The following GLI3 variants were observed in gnomAD, a reference collection of about 807,000 sequenced individuals.
GLI3 encodes the protein transcription activator GLI3.
In GLI3, 20 loss-of-function variants were observed where a neutral mutation model predicts 100.8. The observed-to-expected ratio is 0.20, with a 90% CI of 0.14 to 0.29. GLI3 has a LOEUF of 0.29. Among genes scored for constraint, GLI3 ranks in the 10% least tolerant of loss-of-function variants. The pLI, the probability that GLI3 is intolerant of heterozygous loss-of-function variation, is 1.00. For synonymous variants in GLI3, 938 were observed against 860.5 expected, an observed-to-expected ratio of 1.09 and a Z score of -1.58; for missense variants, 2,040 against 2,128.5, an observed-to-expected ratio of 0.96 and a Z score of 0.82.
At chr7:41,980,487 G>T (rs1787631537) in intron 10 of GLI3, among the ~76,000 whole-genome samples, 2 of 152,106 alleles carry the variant, frequency 1.3e-5, no homozygotes, top group South Asian at 2.1e-4. Context: ...GGGAGAAAAA[G>T]AAATGATCAT....
Position 41,977,710 on chromosome 7 carries a change from T to C in GLI3, c.1660A>G (p.Thr554Ala). 1.2e-6 allele frequency: 2 copies of C among 1,614,058 alleles called. No individual in the cohort carries two copies. The highest frequency in any genetic ancestry group is 1.7e-6 in the Non-Finnish European group (2 of 1,179,884). Reference protein sequence around the residue: ...KPHKCTFEGCTKAYSRLENLK... With the variant: ...KPHKCTFEGCAKAYSRLENLK... ...TTTTCTAGTCTCGAGTAGGCCTTTGTGCAACCTTCAAACTGAGGACAACAG... is the reference window on the plus strand; with the variant it reads ...TTTTCTAGTCTCGAGTAGGCCTTTGCGCAACCTTCAAACTGAGGACAACAG... Residue 554 changes from threonine to alanine, a missense_variant, in exon 12 of 15, where the codon ACA (threonine) becomes GCA (alanine). Coordinates refer to ENST00000395925, the MANE Select transcript of GLI3 (RefSeq NM_000168.6).
intron 2 of GLI3, among the ~76,000 whole-genome samples, chr7:42,177,598 T>C (rs532986683): frequency 6.6e-6 from 1 of 152,304 alleles, no homozygotes; most frequent in South Asian, 2.1e-4. Context: ...CTTAAAAACA[T>C]GTAGATATTC....
chr7:42,214,013 A>G (rs1788322634), intron 2 of GLI3, among the ~76,000 whole-genome samples: 1 of 152,254 alleles, frequency 6.6e-6, no homozygotes. Context: ...GATAGAACTA[A>G]AAGTTTATTA....
intron 1 of GLI3, among the ~76,000 whole-genome samples, chr7:42,234,797 C>G (rs1160271309): frequency 2.0e-5 from 3 of 152,204 alleles, no homozygotes; most frequent in South Asian, 2.1e-4. Context: ...AATTGCATAC[C>G]CTGAAAGGAT....
chr7:42,182,656 A>G lies in GLI3; in HGVS notation c.125-34188T>C, dbSNP rs1180728475. On this transcript the variant is annotated intron_variant, in intron 2 of 14. Coordinates refer to ENST00000395925, the MANE Select transcript of GLI3 (RefSeq NM_000168.6). Reference sequence around the variant, plus strand: ...TGTATATGTGTGTGTATATATATATATATATATATATATATATATATATAT... The same window carrying G: ...TGTATATGTGTGTGTATATATATATGTATATATATATATATATATATATAT... Among the ~76,000 whole-genome samples the G allele has an allele frequency of 1.3e-3, 72 of 53,676 alleles. 2 individuals are homozygous for G. Among genetic ancestry groups the G allele is most frequent in the Admixed American group, 3.1e-3 (17 of 5,502 alleles). 35.2% of individuals were successfully genotyped at this position (53,676 alleles called of 152,430 possible). A position where few individuals can be genotyped will look rare whatever the true frequency, so the allele number is the denominator to read the frequency against.
intron 4 of GLI3, among the ~76,000 whole-genome samples, chr7:42,074,940 G>A (rs1292051683): frequency 6.6e-6 from 1 of 152,078 alleles, no homozygotes. Context: ...AAAATCCAAA[G>A]AAAACCCAGC....
At chr7:42,227,269 T>C (rs896593602) in intron 1 of GLI3, among the ~76,000 whole-genome samples, 3 of 151,262 alleles carry the variant, frequency 2.0e-5, no homozygotes, top group Non-Finnish European at 2.9e-5. Context: ...TGACTTTTCA[T>C]GCTTAAGGGG....
chr7:41,969,550 T>G (rs533845658), intron 13 of GLI3, among the ~76,000 whole-genome samples: 6 of 152,362 alleles, frequency 3.9e-5, no homozygotes, highest in Admixed American at 3.9e-4. Flanking sequence ...CGTGAGTATG[T>G]GAAGCCTTGC....
intron 7 of GLI3, among the ~76,000 whole-genome samples, chr7:42,037,248 G>A (rs141741818): frequency 6.9e-4 from 105 of 152,304 alleles, no homozygotes; most frequent in African/African-American, 2.3e-3. Context: ...TCAGCATGTC[G>A]CAGAGGCTAA....
chr7:42,000,050 A>G (rs867021808), intron 10 of GLI3, among the ~76,000 whole-genome samples: 7 of 152,244 alleles, frequency 4.6e-5, no homozygotes, highest in Middle Eastern at 3.2e-3. Context: ...ATGCCCGTCA[A>G]TCACAGAACT....
intron 1 of GLI3, among the ~76,000 whole-genome samples, chr7:42,255,047 C>T (rs1338122068): frequency 6.6e-6 from 1 of 151,760 alleles, no homozygotes; most frequent in African/African-American, 2.4e-5. Context: ...CTATTTATCT[C>T]TCTCTTACAT....
chr7:42,125,930 T>A (rs1786116050), intron 3 of GLI3, among the ~76,000 whole-genome samples: 1 of 152,114 alleles, frequency 6.6e-6, no homozygotes, highest in Non-Finnish European at 1.5e-5. Context: ...ACAGGAGGAA[T>A]ACAAATATAA....
chr7:42,052,459 G>A (rs1376086832), intron 4 of GLI3, among the ~76,000 whole-genome samples: 1 of 152,146 alleles, frequency 6.6e-6, no homozygotes, highest in African/African-American at 2.4e-5. Flanking sequence ...TAAATGCAAG[G>A]GCTTTGAAGG....
intron 2 of GLI3, among the ~76,000 whole-genome samples, chr7:42,195,176 G>T (rs1787905894): frequency 6.6e-6 from 1 of 152,102 alleles, no homozygotes; most frequent in African/African-American, 2.4e-5. Flanking sequence ...TGTCTTCTGT[G>T]TTGCCCCACT....
intron 2 of GLI3, among the ~76,000 whole-genome samples, chr7:42,202,338 TCTCTCTCTCA>T (rs1788057904): frequency 5.7e-5 from 2 of 35,158 alleles, no homozygotes; most frequent in African/African-American, 1.1e-4. Flanking sequence ...TCTCTCTCTC[TCTCTCTCTCA>T]CACACACACA....
chr7:42,064,921 G>T (rs1216129344), intron 4 of GLI3, among the ~76,000 whole-genome samples: 1 of 152,080 alleles, frequency 6.6e-6, no homozygotes, highest in Non-Finnish European at 1.5e-5. Context: ...CTCCAATGAT[G>T]CACAGCCATA....
chr7:42,241,045 C>A (rs192990429), upstream of GLI3, among the ~76,000 whole-genome samples: 1 of 152,264 alleles, frequency 6.6e-6, no homozygotes, highest in Admixed American at 6.5e-5. Flanking sequence ...GGACAAAATT[C>A]CACCTCCAAT....
intron 1 of GLI3, among the ~76,000 whole-genome samples, chr7:42,249,035 C>T (rs1011946111): frequency 6.6e-6 from 1 of 152,172 alleles, no homozygotes. Context: ...GCATGAGCCA[C>T]TGCGCCTGGC....
chr7:42,182,662 A>ATATATGTATATATACATGTGTG (rs1554337074), intron 2 of GLI3, among the ~76,000 whole-genome samples: 1 of 76,742 alleles, frequency 1.3e-5, no homozygotes, highest in African/African-American at 6.7e-5. Flanking sequence ...ATATATATAT[A>ATATATGTATATATACATGTGTG]TATATATATA....
Sources: gnomAD v4.1 joint callset for allele counts (sites outside exome capture counted in the v4.1 genomes callset) on GRCh38, gnomAD v4.1.1 for gene constraint, MANE v1.5 for transcripts, NCBI Gene and HGNC (gene_info 2026-07-23, HGNC 2026-07-21) for gene names.